Variants in VWDE observed in about 807,000 individuals in gnomAD.
VWDE encodes the protein von Willebrand factor D and EGF domains.
Under a neutral mutation model 178.4 loss-of-function variants are expected in VWDE, and 207 were observed. The observed-to-expected ratio is 1.16, with a 90% CI of 1.04 to 1.30. The LOEUF (loss-of-function observed/expected upper bound fraction) is 1.30. Ranked by LOEUF, VWDE falls within the 50% of genes most tolerant of loss-of-function variation. The pLI is 0.00. For missense variants in VWDE, 2,287 were observed against 1,901.3 expected, an observed-to-expected ratio of 1.20 and a Z score of -3.77; for synonymous variants, 738 against 651.4, an observed-to-expected ratio of 1.13 and a Z score of -2.02.
intron 27 of VWDE, among the ~76,000 whole-genome samples, chr7:12,335,180 C>T (rs1330417928): frequency 6.6e-6 from 1 of 152,082 alleles, no homozygotes; most frequent in East Asian, 1.9e-4. Context: ...ACTTGGCCAC[C>T]AATTTTTAAA....
Position 12,393,194 on chromosome 7 carries a change from A to G in VWDE, c.243+400T>C, listed in dbSNP as rs187265698. ...CACTTTAGACACACAGTATTTTACTATTTGCAGGTAATACAGCTAAGCACC... is the reference window on the plus strand; with the variant it reads ...CACTTTAGACACACAGTATTTTACTGTTTGCAGGTAATACAGCTAAGCACC... On this transcript the variant is annotated intron_variant, in intron 2 of 28. Transcript: ENST00000275358. Among the ~76,000 whole-genome samples the G allele has an allele frequency of 7.3e-4, 111 of 152,302 alleles. No individual in the cohort carries two copies. The Middle Eastern group carries it at 0.01, about 14-fold the overall frequency.
rs1438955638 is a variant in VWDE at position 12,369,557 on chromosome 7, T to C, written c.2749A>G (p.Ser917Gly). The C allele has an allele frequency of 2.6e-6, 4 of 1,533,484 alleles. No homozygotes were observed. The allele number at this position is 1,533,484 out of a possible 1,614,324, so 95.0% of individuals were successfully genotyped here. Reference sequence around the variant, plus strand: ...AGTACTTACTTACCATAGGAATCACTGCAGTCATAGGAACTAAAGCTTGGG... The same window carrying C: ...AGTACTTACTTACCATAGGAATCACCGCAGTCATAGGAACTAAAGCTTGGG... The part of the protein sequence containing the change: ...CSPSFSSYDC[S>G]DSYDKAPEIT... Residue 917 changes from serine to glycine, a missense_variant, in exon 12 of 29, where the codon AGT becomes GGT. Physicochemically the swap from Ser to Gly is moderately conservative, Grantham distance 56. Transcript: ENST00000275358.
In VWDE at chr7:12,357,447, A is replaced by T; in HGVS notation, c.3343T>A (p.Tyr1115Asn). Residue 1115 changes from tyrosine (Y) to asparagine (N), a missense_variant, in exon 17 of 29, where the codon TAT (tyrosine) becomes AAT (asparagine). Coordinates refer to ENST00000275358, the MANE Select transcript of VWDE (RefSeq NM_001135924.3). ...LQTFYGENFE[Y>N]QFVAFDPEGS... ...TCTGGATCGAAGGCCACGAACTGAT[A>T]CTCAAAGTTTTCACCATAAAATGTC... The T allele has an allele frequency of 1.3e-6, 2 of 1,552,020 alleles. No homozygotes were observed. The highest frequency in any genetic ancestry group is 2.4e-5 in the East Asian group (1 of 40,904).
chr7:12,373,269 T>A (rs1562498662), intron 9 of VWDE, 22 bp from the exon 10 acceptor site: 1 of 1,545,618 alleles, frequency 6.5e-7, no homozygotes, highest in South Asian at 1.2e-5. Flanking sequence ...AAAAGGCAAT[T>A]GCATTAAAAA....
chr7:12,396,248 T>G (rs1386143200), intron 1 of VWDE, among the ~76,000 whole-genome samples: 1 of 152,190 alleles, frequency 6.6e-6, no homozygotes, highest in African/African-American at 2.4e-5. Flanking sequence ...TAGATTATTT[T>G]CCAGTTTAAT....
intron 18 of VWDE, among the ~76,000 whole-genome samples, chr7:12,352,962 A>G (rs191110420): frequency 3.9e-5 from 6 of 152,226 alleles, no homozygotes; most frequent in East Asian, 1.9e-4. Context: ...TAAGATTTAT[A>G]TTTTCAACTT....
chr7:12,368,980 A>G (rs1482990486), intron 12 of VWDE, among the ~76,000 whole-genome samples: 1 of 152,124 alleles, frequency 6.6e-6, no homozygotes, highest in Non-Finnish European at 1.5e-5. Flanking sequence ...TGGGAGGGAA[A>G]TCAGGAGTTA....
At chr7:12,363,629 A>G (rs1782698486) in intron 13 of VWDE, among the ~76,000 whole-genome samples, 2 of 152,114 alleles carry the variant, frequency 1.3e-5, no homozygotes, top group African/African-American at 4.8e-5. Context: ...AAAGAAATAT[A>G]GTAAGGATTA....
At chr7:12,362,513 G>A (rs1194680820) in intron 13 of VWDE, among the ~76,000 whole-genome samples, 1 of 152,014 alleles carries the variant, frequency 6.6e-6, no homozygotes, top group Non-Finnish European at 1.5e-5. Flanking sequence ...CCCAAAAGAA[G>A]AGAAGCCAGC....
chr7:12,375,609 C>T (rs1323904515), intron 7 of VWDE, among the ~76,000 whole-genome samples: 3 of 151,930 alleles, frequency 2.0e-5, no homozygotes, highest in East Asian at 1.9e-4. Context: ...AGATTTGTAA[C>T]GTGGGCCCAG....
chr7:12,398,729 C>T (rs773868849), intron 1 of VWDE, among the ~76,000 whole-genome samples: 21 of 152,236 alleles, frequency 1.4e-4, no homozygotes, highest in African/African-American at 2.2e-4. Context: ...AAGACTAAAA[C>T]GTGTCCTTGG....
chr7:12,390,491 C>A (rs1355322815), intron 2 of VWDE, among the ~76,000 whole-genome samples: 2 of 151,574 alleles, frequency 1.3e-5, no homozygotes, highest in East Asian at 3.9e-4. Context: ...GTTATTATTT[C>A]TATGCTTCAA....
At chr7:12,380,840 G>A in intron 4 of VWDE, 107 bp from the exon 5 acceptor site, 1 of 1,300,972 alleles carries the variant, frequency 7.7e-7, no homozygotes, top group Non-Finnish European at 1.0e-6. Context: ...TTAAGAAAAA[G>A]CAAGCTAAAT....
In VWDE at chr7:12,357,406, ATGGATGTCAGAACCTTC is replaced by A; in HGVS notation, c.3367_3383del (p.Glu1123PhefsTer8). 6.4e-7 allele frequency: 1 copy of A among 1,551,992 alleles called. No individual in the cohort carries two copies. The highest frequency in any genetic ancestry group is 8.7e-7 in the Non-Finnish European group (1 of 1,147,068). ...CTTCAGGACCAGAGTCCAACGTAAA[ATGGATGTCAGAACCTTC>A]TGGATCGAAGGCCACGAACTGATAC... is the stretch of plus-strand genomic sequence containing the variant. On this transcript the variant is annotated frameshift_variant, in exon 17 of 29. Transcript: ENST00000275358. LOFTEE classifies it high-confidence loss of function.
chr7:12,401,934 T>C (rs567034254), intron 1 of VWDE, among the ~76,000 whole-genome samples: 1 of 152,156 alleles, frequency 6.6e-6, no homozygotes, highest in Non-Finnish European at 1.5e-5. Context: ...ATATAGTATA[T>C]CCACACAATG....
chr7:12,333,576 A>C lies in VWDE; in HGVS notation c.4655-8T>G. 6.5e-7 allele frequency: 1 copy of C among 1,541,192 alleles called. No individual in the cohort carries two copies. Among genetic ancestry groups the C allele is most frequent in the Non-Finnish European group, 8.8e-7 (1 of 1,137,588 alleles). On this transcript the variant is annotated splice_polypyrimidine_tract_variant and splice_region_variant and intron_variant, in intron 27 of 28. Coordinates refer to ENST00000275358, the MANE Select transcript of VWDE (RefSeq NM_001135924.3). ...ATTTTGGGTTGCAAATTGCTGCAAT[A>C]CACAAATTTTTACAATGACCATCCT...
intron 13 of VWDE, among the ~76,000 whole-genome samples, chr7:12,366,990 T>C (rs1181882798): frequency 1.3e-5 from 2 of 152,072 alleles, no homozygotes; most frequent in Non-Finnish European, 2.9e-5. Context: ...CATTTTTTGA[T>C]TTGTAAAAGG....
At chr7:12,386,978 T>C (rs1784128424) in intron 3 of VWDE, among the ~76,000 whole-genome samples, 1 of 152,170 alleles carries the variant, frequency 6.6e-6, no homozygotes. Context: ...AATAAATACC[T>C]ATTTGAATTA....
intron 21 of VWDE, 85 bp from the exon 22 acceptor site, chr7:12,343,263 CTTG>C (rs1352534883): frequency 3.1e-6 from 3 of 979,038 alleles, no homozygotes; most frequent in Non-Finnish European, 4.5e-6. Flanking sequence ...ACAATAAAAT[CTTG>C]TTGTAAGAGT....
Sources: gnomAD v4.1 joint callset for allele counts (sites outside exome capture counted in the v4.1 genomes callset) on GRCh38, gnomAD v4.1.1 for gene constraint, MANE v1.5 for transcripts, NCBI Gene and HGNC (gene_info 2026-07-23, HGNC 2026-07-21) for gene names.